CECR2: variants seen among roughly 807,000 people sequenced by gnomAD.
CECR2 encodes CECR2 histone acetyl-lysine reader, also known as chromatin remodeling regulator CECR2.
In CECR2, 30 loss-of-function variants were observed where a neutral mutation model predicts 154.5. That is an observed-to-expected ratio of 0.19 (90% CI 0.15 to 0.26). The LOEUF is 0.26. CECR2 is among the 10% of genes least tolerant of loss of function. The pLI is 1.00. For missense variants in CECR2, 1,743 were observed against 1,829.3 expected, an observed-to-expected ratio of 0.95 and a Z score of 0.86; for synonymous variants, 725 against 683.7, an observed-to-expected ratio of 1.06 and a Z score of -0.94.
At position 17,549,302 on chromosome 22, in the gene CECR2, C is replaced by A; in HGVS notation, c.4015C>A (p.His1339Asn). The change falls in exon 17 of 19, where the codon CAC (histidine) becomes AAC (asparagine). Residue 1339 changes from histidine to asparagine, a missense_variant. By Grantham distance (68) the His-to-Asn change is moderately conservative (BLOSUM62 1). Coordinates refer to ENST00000262608, the MANE Select transcript of CECR2 (RefSeq NM_001290047.2). ...ATTTGGTTCATCTGCATTTCCACCC[C>A]ACAGTGTGATGCTGCAGACGGGGCC... ...MGFGSSAFPP[H>N]SVMLQTGPPY... is the part of the protein sequence containing the mutation. 1 of 1,614,004 alleles carries A rather than the reference C, an allele frequency of 6.2e-7. No homozygotes were observed. The highest frequency in any genetic ancestry group is 8.5e-7 in the Non-Finnish European group (1 of 1,179,890).
chr22:17,540,365 A>G (rs888424940), intron 13 of CECR2, 47 bp from the exon 14 acceptor site: 3 of 1,441,688 alleles, frequency 2.1e-6, no homozygotes, highest in African/African-American at 1.4e-5. Context: ...TCTATAAACA[A>G]TTTCTGTAAA....
intron 1 of CECR2, among the ~76,000 whole-genome samples, chr22:17,456,435 C>T (rs1157414410): frequency 1.3e-5 from 2 of 152,134 alleles, no homozygotes; most frequent in Non-Finnish European, 2.9e-5. Flanking sequence ...TCAAAGTGAT[C>T]TACTTTTCAG....
intron 8 of CECR2, among the ~76,000 whole-genome samples, chr22:17,516,921 G>GT (rs1324125377): frequency 2.0e-5 from 3 of 148,580 alleles, no homozygotes; most frequent in Non-Finnish European, 3.0e-5. Flanking sequence ...TTTTTTCGGG[G>GT]TTTTTTTGAG....
At chr22:17,381,480 A>G (rs2063188393) in intron 1 of CECR2, among the ~76,000 whole-genome samples, 1 of 152,120 alleles carries the variant, frequency 6.6e-6, no homozygotes, top group East Asian at 1.9e-4. Context: ...CATCGCTTTC[A>G]GCAATGGAAC....
At chr22:17,509,918 T>C (rs956161180) in intron 7 of CECR2, among the ~76,000 whole-genome samples, 6 of 152,208 alleles carry the variant, frequency 3.9e-5, no homozygotes, top group African/African-American at 1.4e-4. Context: ...TCCTCTAAAC[T>C]TTGAAATAAT....
At chr22:17,543,026 G>A (rs2056555916) in intron 16 of CECR2, 23 bp downstream of exon 16, 2 of 1,562,458 alleles carry the variant, frequency 1.3e-6, no homozygotes, top group Non-Finnish European at 1.7e-6. Flanking sequence ...GTCACTTTGG[G>A]CTCTTTAAGC....
chr22:17,486,343 A>C (rs2055419809), intron 2 of CECR2, among the ~76,000 whole-genome samples: 1 of 152,246 alleles, frequency 6.6e-6, no homozygotes, highest in Admixed American at 6.5e-5. Flanking sequence ...TTTTGTTGCC[A>C]AAATAAAGTG....
chr22:17,494,593 G>A (rs116207014), intron 2 of CECR2, among the ~76,000 whole-genome samples: 359 of 152,292 alleles, frequency 2.4e-3, no homozygotes, highest in African/African-American at 7.9e-3. Flanking sequence ...GAACTGTTAC[G>A]CTGCATTTTG....
intron 1 of CECR2, among the ~76,000 whole-genome samples, chr22:17,382,788 C>G (rs1205861417): frequency 6.6e-6 from 1 of 151,910 alleles, no homozygotes; most frequent in Non-Finnish European, 1.5e-5. Context: ...ACCTGTTGTC[C>G]CAGCTATATG....
chr22:17,414,242 G>T (rs944324402), intron 1 of CECR2, among the ~76,000 whole-genome samples: 2 of 152,194 alleles, frequency 1.3e-5, no homozygotes, highest in Admixed American at 6.5e-5. Flanking sequence ...AAAGTGCTGG[G>T]ATTACAGGCG....
intron 16 of CECR2, among the ~76,000 whole-genome samples, chr22:17,547,635 A>G (rs1214641653): frequency 1.3e-5 from 2 of 152,208 alleles, no homozygotes; most frequent in Admixed American, 1.3e-4. Context: ...GTGTGCATGA[A>G]CTGAGAGGAC....
At chr22:17,403,988 A>G (rs1291356858) in intron 1 of CECR2, among the ~76,000 whole-genome samples, 2 of 145,560 alleles carry the variant, frequency 1.4e-5, no homozygotes, top group Admixed American at 7.0e-5. Context: ...GGCCGGGCAC[A>G]GTGGCTCACA....
rs187224327 is a variant in CECR2, at chr22:17,542,124, G to C, written c.2014-33G>C. 137 of 1,598,294 alleles carry C rather than the reference G, an allele frequency of 8.6e-5. No homozygotes were observed. In the African/African-American group the frequency reaches 1.6e-3, roughly 19 times the overall value. ...GCACAAAGTGTGCCTTATTCTGTGA[G>C]TCTGTAACTGTGCTGCCTTTTCTCG... is the stretch of plus-strand genomic sequence containing the variant. On this transcript the variant is annotated intron_variant, in intron 15 of 18. Coordinates refer to ENST00000262608, the MANE Select transcript of CECR2 (RefSeq NM_001290047.2).
chr22:17,490,169 T>G (rs1477774650), intron 2 of CECR2, among the ~76,000 whole-genome samples: 8 of 130,392 alleles, frequency 6.1e-5, no homozygotes, highest in Non-Finnish European at 1.2e-4. Flanking sequence ...GTGTGTGTGT[T>G]TGGTCTATTA....
At chr22:17,522,779 C>T (rs897981567) in intron 8 of CECR2, among the ~76,000 whole-genome samples, 2 of 151,484 alleles carry the variant, frequency 1.3e-5, no homozygotes, top group South Asian at 2.1e-4. Context: ...CTGAGGTGGG[C>T]GGATCACCTG....
At chr22:17,466,566 A>G (rs570455030) in intron 1 of CECR2, among the ~76,000 whole-genome samples, 41 of 151,000 alleles carry the variant, frequency 2.7e-4, no homozygotes, top group Non-Finnish European at 5.3e-4. Context: ...TGTCCCCAAG[A>G]TGGTAACCAC....
rs558697905 is a variant in CECR2, at chr22:17,413,882, G to T, written c.126+43973G>T. On this transcript the variant is annotated intron_variant, in intron 1 of 18. Transcript: ENST00000262608. ...TTAGTAGAGACAGGGTTTCACCATG[G>T]TAGCCAGGATGGTCTCGATCACCTG... Among the ~76,000 whole-genome samples the T allele has an allele frequency of 1.0e-3, 147 of 146,626 alleles. No homozygotes were observed. In the East Asian group the frequency reaches 0.015, roughly 15 times the overall value.
chr22:17,473,207 T>G (rs534640266), intron 1 of CECR2, among the ~76,000 whole-genome samples: 3 of 152,286 alleles, frequency 2.0e-5, no homozygotes, highest in Admixed American at 2.0e-4. Flanking sequence ...TGCCCTATGC[T>G]GATTAGCTGC....
chr22:17,540,592 A>C lies in CECR2; in HGVS notation c.1676A>C (p.Asp559Ala). The C allele has an allele frequency of 6.2e-7, 1 of 1,613,502 alleles. No individual in the cohort carries two copies. Among genetic ancestry groups the C allele is most frequent in the Non-Finnish European group, 8.5e-7 (1 of 1,179,664 alleles). The part of the protein sequence containing the change: ...GGSHVWTRSR[D>A]PEGSSRKQQP... Reference sequence around the variant, plus strand: ...AGCCATGTTTGGACCCGCTCCAGGGACCCAGAAGGGTCCAGCAGGAAACAG... The same window carrying C: ...AGCCATGTTTGGACCCGCTCCAGGGCCCCAGAAGGGTCCAGCAGGAAACAG... The change falls in exon 14 of 19, where the codon GAC becomes GCC. Residue 559 changes from aspartate to alanine, a missense_variant. Transcript: ENST00000262608.
Sources: allele counts gnomAD v4.1 joint callset (sites outside exome capture counted in the v4.1 genomes callset), GRCh38; gene constraint gnomAD v4.1.1; transcripts MANE v1.5; gene names NCBI Gene and HGNC (gene_info 2026-07-23, HGNC 2026-07-21).